The following TAF12 variants were observed in gnomAD, a reference collection of about 807,000 sequenced individuals.
The protein encoded by TAF12 is transcription initiation factor TFIID subunit 12.
TAF12 carries 3 observed loss-of-function variants against 20.8 expected under a neutral mutation model. The ratio of observed to expected loss-of-function variants is 0.14; its 90% CI spans 0.07 to 0.37. TAF12 has a LOEUF of 0.37. Ranked by LOEUF, TAF12 falls within the 10% of genes least tolerant of loss-of-function variation. The probability of loss-of-function intolerance (pLI) is 1.00; values close to 1 mark genes in which losing one functional copy is unlikely to be tolerated. For synonymous variants in TAF12, 69 were observed against 70.2 expected (o/e 0.98, Z 0.09); for missense variants, 131 against 197.9 (o/e 0.66, Z 2.03).
chr1:28,620,547 T>C (rs1440698729), intron 2 of TAF12, among the ~76,000 whole-genome samples: 1 of 152,180 alleles, frequency 6.6e-6, no homozygotes, highest in Admixed American at 6.6e-5. Context: ...GCCATTCTCC[T>C]GCCTCAGCCT....
chr1:28,634,471 T>A (rs914643092), intron 1 of TAF12, among the ~76,000 whole-genome samples: 1 of 151,484 alleles, frequency 6.6e-6, no homozygotes, highest in Non-Finnish European at 1.5e-5. Flanking sequence ...GTGGGACAGT[T>A]TGAGAGAACA....
chr1:28,645,347 T>C (rs970535985), upstream of TAF12, among the ~76,000 whole-genome samples: 6 of 150,460 alleles, frequency 4.0e-5, no homozygotes, highest in African/African-American at 1.5e-4. Flanking sequence ...TTCTTTTTTT[T>C]TTTTTTCTTT....
At chr1:28,641,402 G>C (rs1245617906) in intron 1 of TAF12, among the ~76,000 whole-genome samples, 1 of 152,054 alleles carries the variant, frequency 6.6e-6, no homozygotes, top group Non-Finnish European at 1.5e-5. Context: ...AGAATCGTTT[G>C]AACTGGGGAA....
At chr1:28,643,141 C>T (rs920062136), upstream of TAF12, 30 of 984,532 alleles carry the variant, frequency 3.0e-5, no homozygotes, top group Non-Finnish European at 3.4e-5. Flanking sequence ...TTCCGGCCGG[C>T]GGGCGCGCGC....
intron 2 of TAF12, among the ~76,000 whole-genome samples, chr1:28,620,513 G>A (rs1667186568): frequency 6.6e-6 from 1 of 151,714 alleles, no homozygotes; most frequent in African/African-American, 2.4e-5. Context: ...TCTGCTCACT[G>A]CAAGCTCCAC....
chr1:28,605,246 T>G (rs1557455113), intron 5 of TAF12, 126 bp downstream of exon 5: 1 of 914,696 alleles, frequency 1.1e-6, no homozygotes, highest in Non-Finnish European at 1.7e-6. Context: ...TGACCCTTGC[T>G]CCAGAGAGTG....
At chr1:28,642,641 C>A in intron 1 of TAF12, 1 of 985,506 alleles carries the variant, frequency 1.0e-6, no homozygotes, top group Non-Finnish European at 1.2e-6. Flanking sequence ...AAGTCCTCAC[C>A]GCTCCACTTT....
At chr1:28,610,605 A>C (rs1000960643) in intron 4 of TAF12, among the ~76,000 whole-genome samples, 23 of 151,740 alleles carry the variant, frequency 1.5e-4, no homozygotes, top group South Asian at 1.5e-3. Flanking sequence ...GTGAGCCACC[A>C]TGCCAGGCCA....
At chr1:28,628,685 AAAT>A (rs1281629231) in intron 1 of TAF12, among the ~76,000 whole-genome samples, 1 of 152,228 alleles carries the variant, frequency 6.6e-6, no homozygotes, top group Admixed American at 6.5e-5. Flanking sequence ...TAAAAAAAAA[AAAT>A]GAGGAGGCTC....
At chr1:28,637,796 C>G (rs1667889284) in intron 1 of TAF12, among the ~76,000 whole-genome samples, 1 of 152,276 alleles carries the variant, frequency 6.6e-6, no homozygotes, top group South Asian at 2.1e-4. Context: ...AGCCTGTAAA[C>G]ATTGCTGATA....
At chr1:28,616,580 A>T (rs1264104344) in intron 3 of TAF12, among the ~76,000 whole-genome samples, 2 of 151,100 alleles carry the variant, frequency 1.3e-5, no homozygotes, top group Non-Finnish European at 2.9e-5. Context: ...TAAAAAATAC[A>T]AAAATTAGCC....
intron 2 of TAF12, among the ~76,000 whole-genome samples, chr1:28,620,649 G>A (rs1194792108): frequency 1.3e-5 from 2 of 151,604 alleles, no homozygotes; most frequent in Admixed American, 1.3e-4. Flanking sequence ...TGTTAGCCAG[G>A]ATGGTCTTGA....
At chr1:28,611,809 C>T (rs968185674) in intron 4 of TAF12, among the ~76,000 whole-genome samples, 1 of 151,972 alleles carries the variant, frequency 6.6e-6, no homozygotes, top group African/African-American at 2.4e-5. Flanking sequence ...TTAAGGTAGC[C>T]CTAGGAAACT....
At chr1:28,605,498 A>G (rs907276199) in intron 4 of TAF12, 38 bp from the exon 5 acceptor site, 2 of 1,604,766 alleles carry the variant, frequency 1.2e-6, no homozygotes, top group African/African-American at 2.7e-5. Context: ...AAACGTACCA[A>G]GAAGGCAGTA....
upstream of TAF12, among the ~76,000 whole-genome samples, chr1:28,646,638 C>T (rs1295361240): frequency 6.6e-6 from 1 of 151,736 alleles, no homozygotes; most frequent in Non-Finnish European, 1.5e-5. Flanking sequence ...TCAAGTGATT[C>T]TCCTGCCTCA....
intron 1 of TAF12, among the ~76,000 whole-genome samples, chr1:28,639,195 T>C (rs1471589435): frequency 6.6e-6 from 1 of 151,350 alleles, no homozygotes; most frequent in East Asian, 2.0e-4. Flanking sequence ...GGCAGGCAGA[T>C]CATCTGAGGT....
At chr1:28,605,964 T>G (rs375865693) in intron 4 of TAF12, among the ~76,000 whole-genome samples, 1 of 152,290 alleles carries the variant, frequency 6.6e-6, no homozygotes, top group East Asian at 1.9e-4. Flanking sequence ...CCTGAGTAGC[T>G]GGGATTACAG....
In TAF12 at chr1:28,622,182, C is replaced by A; in HGVS notation, c.-84-17G>T. On this transcript the variant is annotated splice_polypyrimidine_tract_variant and intron_variant, in intron 1 of 5. Transcript: ENST00000373824. ...GCCAATTAACTGGAGAAGAAAAGCA[C>A]AAGAATTAGCTCTAGAAGAACCTGT... is the stretch of plus-strand genomic sequence containing the variant. The A allele has an allele frequency of 1.3e-6, 2 of 1,489,780 alleles. No homozygotes were observed. Among genetic ancestry groups the A allele is most frequent in the Non-Finnish European group, 1.8e-6 (2 of 1,124,986 alleles). The allele number at this position is 1,489,780 out of a possible 1,614,324, so 92.3% of individuals were successfully genotyped here. A position where few individuals can be genotyped will look rare whatever the true frequency, so the allele number is the denominator to read the frequency against.
In TAF12 at chr1:28,621,021, T is replaced by C. The variant is rs151042692; in HGVS notation, c.168+893A>G. 3.7e-3 allele frequency among the ~76,000 whole-genome samples: 562 copies of C among 152,316 alleles called. 1 individual carries two copies. Among genetic ancestry groups the C allele is most frequent in the Non-Finnish European group, 5.4e-3 (370 of 68,036 alleles). On this transcript the variant is annotated intron_variant, in intron 2 of 5. Coordinates refer to ENST00000373824, the MANE Select transcript of TAF12 (RefSeq NM_005644.4). The stretch of plus-strand genomic sequence containing the variant: ...AATCCTCTATAGGACACACTATTTT[T>C]ATTATGTTACTTTTACTCCTTTATT...
Sources: allele counts gnomAD v4.1 joint callset (sites outside exome capture counted in the v4.1 genomes callset), GRCh38; gene constraint gnomAD v4.1.1; transcripts MANE v1.5; gene names NCBI Gene and HGNC (gene_info 2026-07-23, HGNC 2026-07-21).